PHLDB1: variants seen among roughly 807,000 people sequenced by gnomAD.
PHLDB1 encodes pleckstrin homology like domain family B member 1.
A neutral mutation model predicts 139.3 loss-of-function variants in PHLDB1; 65 were observed. That is an observed-to-expected ratio of 0.47 (90% CI 0.38 to 0.57). The LOEUF (loss-of-function observed/expected upper bound fraction) is 0.57. Ranked by LOEUF, PHLDB1 falls within the 20% of genes least tolerant of loss-of-function variation. The pLI, the probability that PHLDB1 is intolerant of heterozygous loss-of-function variation, is 0.00. For missense variants in PHLDB1, 1,624 were observed against 1,839.7 expected, an observed-to-expected ratio of 0.88 and a Z score of 2.14; for synonymous variants, 679 against 734.5, an observed-to-expected ratio of 0.92 and a Z score of 1.22.
Position 118,628,457 on chromosome 11 carries a change from G to A in PHLDB1, c.1634G>A (p.Gly545Asp). 6.2e-7 allele frequency: 1 copy of A among 1,612,282 alleles called. No individual in the cohort carries two copies. The highest frequency in any genetic ancestry group is 8.5e-7 in the Non-Finnish European group (1 of 1,179,646). Reference protein sequence around the residue: ...SGRLSPAYSLGSLTGASPCQS... With the variant: ...SGRLSPAYSLDSLTGASPCQS... ...AGGCTGAGCCCAGCCTACAGTCTGG[G>A]CTCTCTTACTGGGGCTTCACCCTGC... Residue 545 changes from glycine to aspartate, a missense_variant, in exon 6 of 23, where the codon GGC (glycine) becomes GAC (aspartate). Gly to Asp is a moderately conservative substitution (Grantham distance 94). Transcript: ENST00000600882.
chr11:118,607,219 G>C (rs1336835318), upstream of PHLDB1, among the ~76,000 whole-genome samples: 2 of 151,174 alleles, frequency 1.3e-5, no homozygotes, highest in African/African-American at 4.9e-5. Context: ...GGAGAGTTTG[G>C]GGGAGGGAGA....
At chr11:118,644,041 G>T (rs782577795) in intron 14 of PHLDB1, 31 bp from the exon 15 acceptor site, 4 of 1,610,004 alleles carry the variant, frequency 2.5e-6, no homozygotes, top group Non-Finnish European at 3.4e-6. Context: ...GGCCTTCTGA[G>T]CCCAGGTCCG....
chr11:118,655,810 C>T (rs1555141382), intron 21 of PHLDB1, 50 bp from the exon 22 acceptor site: 5 of 1,573,588 alleles, frequency 3.2e-6, no homozygotes, highest in Middle Eastern at 1.7e-4. Context: ...CAACCCAGTC[C>T]TTGTTCTCTT....
At chr11:118,609,278 T>A (rs1467533577) in intron 1 of PHLDB1, among the ~76,000 whole-genome samples, 1 of 97,000 alleles carries the variant, frequency 1.0e-5, no homozygotes, top group Non-Finnish European at 2.0e-5. Flanking sequence ...ACAGCCCAGC[T>A]CACACACACA....
In PHLDB1 at chr11:118,647,913, C is replaced by T; in HGVS notation, c.3508-17C>T. 1 of 1,556,870 alleles carries T rather than the reference C, an allele frequency of 6.4e-7. No individual in the cohort carries two copies. Among genetic ancestry groups the T allele is most frequent in the Non-Finnish European group, 8.7e-7 (1 of 1,150,804 alleles). ...AGAGGATGGCCATAGGTGCTGACCC[C>T]TTGGCTTTGGGGGCAGGAGCGGGAG... is the stretch of plus-strand genomic sequence containing the variant. On this transcript the variant is annotated splice_polypyrimidine_tract_variant and intron_variant, in intron 17 of 22. Transcript: ENST00000600882.
chr11:118,647,877 C>T (rs1195135012), intron 17 of PHLDB1, 53 bp from the exon 18 acceptor site: 2 of 1,536,326 alleles, frequency 1.3e-6, no homozygotes, highest in African/African-American at 2.7e-5. Context: ...TGAAGAGGGC[C>T]AGTGGGGGGA....
rs185140151 is a variant in PHLDB1 at position 118,613,976 on chromosome 11, C to T, written c.60+80C>T. 30 of 910,666 alleles carry T rather than the reference C, an allele frequency of 3.3e-5. No individual in the cohort carries two copies. The East Asian group carries it at 7.6e-4, about 23-fold the overall frequency. 56.4% of individuals were successfully genotyped at this position (910,666 alleles called of 1,614,324 possible). On this transcript the variant is annotated intron_variant, in intron 2 of 22. Coordinates refer to ENST00000600882, the MANE Select transcript of PHLDB1 (RefSeq NM_001144758.3). ...TCTTCTACCCCCTTGTGGTCCCAGC[C>T]CAAGGATGAAAGGAGCAATTCTGTT...
rs117770023 is a variant in PHLDB1 at position 118,644,301 on chromosome 11, A to C, written c.3121+127A>C. The C allele has an allele frequency of 9.1e-4, 618 of 680,318 alleles. 7 individuals carry two copies. The East Asian group carries it at 0.014, about 15-fold the overall frequency. 42.1% of individuals were successfully genotyped at this position (680,318 alleles called of 1,614,324 possible). On this transcript the variant is annotated intron_variant, in intron 15 of 22. Transcript: ENST00000600882. ...AATTGGGATCTAGGCAAGACCAGAA[A>C]GGATTTAGAGTGGGTACCTAAAGAA...
At position 118,641,614 on chromosome 11, in the gene PHLDB1, T is replaced by C. The variant is rs148967522; in HGVS notation, c.2737-640T>C. On this transcript the variant is annotated intron_variant, in intron 12 of 22. Transcript: ENST00000600882. The stretch of plus-strand genomic sequence containing the variant: ...CTCCTGCGTCTGGCCTTGCTCCAAG[T>C]ACGTGATGCTTGAGCAGCTAAAGGT... 1.9e-3 allele frequency: 2,470 copies of C among 1,279,090 alleles called. 8 individuals carry two copies. The Middle Eastern group carries it at 0.025, about 13-fold the overall frequency. The allele number at this position is 1,279,090 out of a possible 1,614,324, so 79.2% of individuals were successfully genotyped here.
chr11:118,630,014 G>C, intron 6 of PHLDB1: 2 of 1,284,694 alleles, frequency 1.6e-6, no homozygotes, highest in Non-Finnish European at 2.0e-6. Context: ...CCCAGGTGCC[G>C]AGGCTCTGTT....
Position 118,645,333 on chromosome 11 carries a change from A to C in PHLDB1, c.3122-23A>C. On this transcript the variant is annotated intron_variant, in intron 15 of 22. Coordinates refer to ENST00000600882, the MANE Select transcript of PHLDB1 (RefSeq NM_001144758.3). The surrounding 1 kb of genome is among the most constrained non-coding windows in gnomAD (Gnocchi z 5.1). ...TTAGCTGCGTGGGGAGCCCACTGTG[A>C]CTCCCATCTGTCTCTCCTTCAGGAC... 6.7e-7 allele frequency: 1 copy of C among 1,499,400 alleles called. No individual in the cohort carries two copies. Among genetic ancestry groups the C allele is most frequent in the Non-Finnish European group, 8.9e-7 (1 of 1,122,500 alleles). 92.9% of individuals were successfully genotyped at this position (1,499,400 alleles called of 1,614,324 possible).
chr11:118,625,674 G>A (rs1426009480), intron 5 of PHLDB1, among the ~76,000 whole-genome samples: 1 of 152,162 alleles, frequency 6.6e-6, no homozygotes, highest in Non-Finnish European at 1.5e-5. Flanking sequence ...GCATTTAGAT[G>A]GCTATGGGGT....
chr11:118,639,780 T>A, intron 12 of PHLDB1: 1 of 167,020 alleles, frequency 6.0e-6, no homozygotes, highest in Non-Finnish European at 1.1e-5. Context: ...CCTGCCTCAC[T>A]ACACAAACAA....
chr11:118,649,885 C>T (rs1555134231), intron 18 of PHLDB1, among the ~76,000 whole-genome samples, 192 bp from the exon 19 acceptor site: 1 of 152,148 alleles, frequency 6.6e-6, no homozygotes. Context: ...GTTTGCCCGG[C>T]CCTAGGTAGA....
chr11:118,650,385 A>G lies in PHLDB1; in HGVS notation c.3772-60A>G, dbSNP rs1948178799. 3 of 1,200,320 alleles carry G rather than the reference A, an allele frequency of 2.5e-6. No homozygotes were observed. In the Admixed American group the frequency reaches 5.0e-5, roughly 20 times the overall value. 74.4% of individuals were successfully genotyped at this position (1,200,320 alleles called of 1,614,324 possible). Reference sequence around the variant, plus strand: ...CATGAATACAGGCACAGGCGATGGCACACACTTAAGGCTTAAGGGCTGCAT... The same window carrying G: ...CATGAATACAGGCACAGGCGATGGCGCACACTTAAGGCTTAAGGGCTGCAT... On this transcript the variant is annotated intron_variant, in intron 19 of 22. Coordinates refer to ENST00000600882, the MANE Select transcript of PHLDB1 (RefSeq NM_001144758.3). This position sits in a 1 kb window ranked among gnomAD's most constrained non-coding sequence, Gnocchi z 4.7.
chr11:118,617,775 G>A (rs782270647), intron 4 of PHLDB1, among the ~76,000 whole-genome samples: 1 of 152,102 alleles, frequency 6.6e-6, no homozygotes, highest in Non-Finnish European at 1.5e-5. Flanking sequence ...GACTTTGGAT[G>A]AGAGGAGGAA....
At chr11:118,631,671 G>A (rs1392783040) in intron 7 of PHLDB1, among the ~76,000 whole-genome samples, 192 bp downstream of exon 7, 1 of 152,182 alleles carries the variant, frequency 6.6e-6, no homozygotes. Flanking sequence ...CTGTAAATAT[G>A]CTTTATGACC....
Position 118,643,909 on chromosome 11 carries a change from T to G in PHLDB1, c.2987T>G (p.Val996Gly), listed in dbSNP as rs1947008784. The G allele has an allele frequency of 6.2e-7, 1 of 1,607,650 alleles. No homozygotes were observed. The change falls in exon 14 of 23, where the codon GTG becomes GGG. Residue 996 changes from valine to glycine, a missense_variant. Val to Gly is a moderately radical substitution (Grantham distance 109). Coordinates refer to ENST00000600882, the MANE Select transcript of PHLDB1 (RefSeq NM_001144758.3). The stretch of plus-strand genomic sequence containing the variant: ...TCCTCCTCCTCCTCCCAGCTCAGCG[T>G]GGCTACCCTGGGGCGTAGCCCCTCC... Reference protein sequence around the residue: ...GSSSSSSQLSVATLGRSPSPK... With the variant: ...GSSSSSSQLSGATLGRSPSPK...
intron 20 of PHLDB1, 72 bp from the exon 21 acceptor site, chr11:118,655,533 T>C: frequency 5.4e-6 from 5 of 931,456 alleles, no homozygotes; most frequent in Non-Finnish European, 8.8e-6. Context: ...GCTCAGGCCA[T>C]GGAGCTCCAC....
Sources: allele counts gnomAD v4.1 joint callset (sites outside exome capture counted in the v4.1 genomes callset), GRCh38; gene constraint gnomAD v4.1.1; non-coding constraint Gnocchi (gnomAD v3.1); transcripts MANE v1.5; gene names NCBI Gene and HGNC (gene_info 2026-07-23, HGNC 2026-07-21).